TMEM207: variants seen among roughly 807,000 people sequenced by gnomAD.
The protein encoded by TMEM207 is transmembrane protein 207.
In TMEM207, 15 loss-of-function variants were observed where a neutral mutation model predicts 17.4. The observed-to-expected ratio is 0.86, with a 90% CI of 0.58 to 1.33. TMEM207 has a LOEUF of 1.33. Among genes scored for constraint, TMEM207 ranks in the 40% most tolerant of loss-of-function variants. The pLI is 0.00. For synonymous variants in TMEM207, 70 were observed against 65.6 expected (o/e 1.07, Z -0.33); for missense variants, 205 against 173.8 (o/e 1.18, Z -1.01).
intron 2 of TMEM207, among the ~76,000 whole-genome samples, chr3:190,442,624 C>G (rs1416403085): frequency 1.3e-5 from 2 of 151,890 alleles, no homozygotes; most frequent in Non-Finnish European, 2.9e-5. Context: ...TTTATTTGCT[C>G]TTTGTTCTTT....
At chr3:190,447,758 TA>T (rs1331260842) in intron 2 of TMEM207, 31 bp downstream of exon 2, 1 of 1,605,502 alleles carries the variant, frequency 6.2e-7, no homozygotes, top group Non-Finnish European at 8.5e-7. Context: ...AAATGCGAAA[TA>T]AAAACATGGA....
intron 2 of TMEM207, among the ~76,000 whole-genome samples, chr3:190,442,056 G>A (rs961799942): frequency 1.1e-4 from 16 of 152,332 alleles, no homozygotes; most frequent in Non-Finnish European, 2.2e-4. Flanking sequence ...CAGTCAGGAA[G>A]TTGACCCTCC....
chr3:190,435,750 C>G (rs1370452633), intron 4 of TMEM207, among the ~76,000 whole-genome samples: 1 of 152,164 alleles, frequency 6.6e-6, no homozygotes, highest in Non-Finnish European at 1.5e-5. Flanking sequence ...TGTGAAAAGA[C>G]AGGAACATTA....
chr3:190,446,802 T>C (rs760834147), intron 2 of TMEM207, among the ~76,000 whole-genome samples: 1 of 152,148 alleles, frequency 6.6e-6, no homozygotes, highest in Non-Finnish European at 1.5e-5. Flanking sequence ...CTTTATTTTG[T>C]TAGTCTGGGT....
chr3:190,441,353 A>G (rs1236035650), intron 3 of TMEM207, 85 bp downstream of exon 3: 1 of 1,100,640 alleles, frequency 9.1e-7, no homozygotes, highest in Non-Finnish European at 1.4e-6. Context: ...AAGCTGTATG[A>G]TTTCATGTAC....
chr3:190,432,901 C>G (rs137968800), intron 4 of TMEM207, among the ~76,000 whole-genome samples: 26 of 152,222 alleles, frequency 1.7e-4, no homozygotes, highest in African/African-American at 5.8e-4. Flanking sequence ...AGAAGCTAAG[C>G]CAAGATGAGT....
rs368199832 is a variant in TMEM207, at chr3:190,440,311, T to A, written c.237A>T (p.Arg79Ser). The part of the protein sequence containing the change: ...VVLCLQCWLR[R>S]PRIDSHRRTM... ...TGCGCCTGTGAGAATCAATTCGGGG[T>A]CTCCTCAGCCAGCACTGGAGGCAGA... The change falls in exon 4 of 5, where the codon AGA (arginine) becomes AGT (serine). Residue 79 changes from arginine to serine, a missense_variant. By Grantham distance (110) the Arg-to-Ser change is moderately radical. Transcript: ENST00000354905. The A allele has an allele frequency of 1.2e-5, 20 of 1,613,630 alleles. No individual in the cohort carries two copies. The highest frequency in any genetic ancestry group is 2.7e-5 in the African/African-American group (2 of 74,748).
At chr3:190,431,455 CATTATT>C (rs560696166) in intron 4 of TMEM207, among the ~76,000 whole-genome samples, 1 of 151,774 alleles carries the variant, frequency 6.6e-6, no homozygotes, top group African/African-American at 2.4e-5. Context: ...ATGATTTAAA[CATTATT>C]ATTATTAATT....
At chr3:190,436,568 C>A (rs554982883) in intron 4 of TMEM207, among the ~76,000 whole-genome samples, 1 of 152,260 alleles carries the variant, frequency 6.6e-6, no homozygotes, top group South Asian at 2.1e-4. Flanking sequence ...TGGTTTTGAC[C>A]CTCACCTCCT....
At chr3:190,442,564 T>G (rs1719958080) in intron 2 of TMEM207, among the ~76,000 whole-genome samples, 1 of 152,216 alleles carries the variant, frequency 6.6e-6, no homozygotes, top group South Asian at 2.1e-4. Context: ...GATGATTTCA[T>G]TCCCCTCCAC....
intron 4 of TMEM207, among the ~76,000 whole-genome samples, chr3:190,434,155 G>GT (rs1232991380): frequency 1.3e-5 from 2 of 152,026 alleles, no homozygotes; most frequent in East Asian, 3.9e-4. Context: ...AGTCTTCTGT[G>GT]TTTTCAGTTG....
chr3:190,447,833 A>G lies in TMEM207; in HGVS notation c.76-6T>C. 1 of 1,612,290 alleles carries G rather than the reference A, an allele frequency of 6.2e-7. No homozygotes were observed. The highest frequency in any genetic ancestry group is 8.5e-7 in the Non-Finnish European group (1 of 1,179,160). ...GGTAGGTCCGAGAGCACCAACTGAA[A>G]CACATGTTTAGAACAATAAAATCCA... On this transcript the variant is annotated splice_region_variant and splice_polypyrimidine_tract_variant and intron_variant, in intron 1 of 4. Coordinates refer to ENST00000354905, the MANE Select transcript of TMEM207 (RefSeq NM_207316.3).
chr3:190,444,276 C>T, intron 2 of TMEM207: 1 of 233,648 alleles, frequency 4.3e-6, no homozygotes, highest in Non-Finnish European at 7.0e-6. Flanking sequence ...ACTGAGAGAA[C>T]TCAGTCACAG....
chr3:190,444,593 A>C (rs1195587138), intron 2 of TMEM207: 8 of 274,396 alleles, frequency 2.9e-5, no homozygotes, highest in Non-Finnish European at 4.4e-5. Flanking sequence ...CGAATATAGT[A>C]AATACCGTAT....
chr3:190,443,816 GA>G (rs1719987662), intron 2 of TMEM207, among the ~76,000 whole-genome samples: 1 of 152,166 alleles, frequency 6.6e-6, no homozygotes, highest in African/African-American at 2.4e-5. Flanking sequence ...ATTCCTCAGG[GA>G]TTGGTCAAAT....
At chr3:190,431,302 A>G (rs954267730) in intron 4 of TMEM207, among the ~76,000 whole-genome samples, 8 of 152,140 alleles carry the variant, frequency 5.3e-5, no homozygotes, top group African/African-American at 1.9e-4. Flanking sequence ...TACTTAAAAC[A>G]AGGCCTGGCA....
At chr3:190,439,863 G>A (rs754633993) in intron 4 of TMEM207, among the ~76,000 whole-genome samples, 1 of 152,148 alleles carries the variant, frequency 6.6e-6, no homozygotes, top group Non-Finnish European at 1.5e-5. Context: ...AGAAAGCTCA[G>A]TAAATGAATT....
intron 4 of TMEM207, among the ~76,000 whole-genome samples, chr3:190,440,011 G>A (rs1719894060): frequency 6.6e-6 from 1 of 152,102 alleles, no homozygotes; most frequent in Admixed American, 6.5e-5. Flanking sequence ...ATATTTAGTT[G>A]CTTTCCTTAT....
chr3:190,447,027 A>C (rs1284455783), intron 2 of TMEM207, among the ~76,000 whole-genome samples: 1 of 152,172 alleles, frequency 6.6e-6, no homozygotes, highest in Admixed American at 6.5e-5. Context: ...CAATAAGAAG[A>C]TCCACCAGAA....
Sources: gnomAD v4.1 joint callset for allele counts (sites outside exome capture counted in the v4.1 genomes callset) on GRCh38, gnomAD v4.1.1 for gene constraint, MANE v1.5 for transcripts, NCBI Gene and HGNC (gene_info 2026-07-23, HGNC 2026-07-21) for gene names.